The following FSIP2 variants were observed in gnomAD, a reference collection of about 807,000 sequenced individuals.
The protein encoded by FSIP2 is fibrous sheath-interacting protein 2.
Under a neutral mutation model 510.5 loss-of-function variants are expected in FSIP2, and 367 were observed. That is an observed-to-expected ratio of 0.72 (90% confidence interval 0.66 to 0.78). The LOEUF is 0.78. Ranked by LOEUF, FSIP2 falls within the 30% of genes least tolerant of loss-of-function variation. The pLI is 0.00. For synonymous variants in FSIP2, 2,601 were observed against 2,732.2 expected, an observed-to-expected ratio of 0.95 and a Z score of 1.50; for missense variants, 7,594 against 7,901.7, an observed-to-expected ratio of 0.96 and a Z score of 1.48.
chr2:185,813,757 C>A lies in FSIP2; in HGVS notation c.20040C>A (p.Ile6680=), dbSNP rs925867746. The change falls in exon 18 of 23, where the codon ATC becomes ATA. Residue 6680 remains isoleucine (I), a synonymous_variant. Transcript: ENST00000424728. ...AGACTTTTGCAAAAGAAGAAGGCAT[C>A]AAAGTATTTGAAGATCAAGTGAAAG... ...LTQTFAKEEG[I]KVFEDQVKEV... 6.2e-7 allele frequency: 1 copy of A among 1,612,794 alleles called. No individual in the cohort carries two copies. The highest frequency in any genetic ancestry group is 8.5e-7 in the Non-Finnish European group (1 of 1,179,452).
In FSIP2 at chr2:185,802,648, A is replaced by G. The variant is rs1420544357; in HGVS notation, c.13342A>G (p.Ser4448Gly). The G allele has an allele frequency of 3.9e-6, 6 of 1,533,636 alleles. No individual in the cohort carries two copies. The highest frequency in any genetic ancestry group is 4.9e-5 in the East Asian group (2 of 40,840). The change falls in exon 17 of 23, where the codon AGT (serine) becomes GGT (glycine). Residue 4448 changes from serine to glycine, a missense_variant. Transcript: ENST00000424728. ...TGTTCAGGACATCCTTAGTAACATC[A>G]GTAAATCTACTGAGCCAAGCCAGAG... is the stretch of plus-strand genomic sequence containing the variant. ...NIVQDILSNI[S>G]KSTEPSQSVP... is the part of the protein sequence containing the mutation.
intron 7 of FSIP2, among the ~76,000 whole-genome samples, chr2:185,749,291 C>T (rs573220915): frequency 2.6e-5 from 4 of 151,972 alleles, no homozygotes; most frequent in Admixed American, 6.6e-5. Flanking sequence ...CCACATATGT[C>T]GCTCCATTTA....
rs1218141446 is a variant in FSIP2, at chr2:185,831,818, C to G, written c.20523C>G (p.Ile6841Met). Reference sequence around the variant, plus strand: ...ATTTCAATTTACCTTGGCAGTTTATCACCATCTTTGAAAGATCCAAGGATG... The same window carrying G: ...ATTTCAATTTACCTTGGCAGTTTATGACCATCTTTGAAAGATCCAAGGATG... ...KPEHGNSVKF[I>M]TIFERSKDVL... The change falls in exon 22 of 23, where the codon ATC becomes ATG. Residue 6841 changes from isoleucine (I) to methionine (M), a missense_variant. Transcript: ENST00000424728. The G allele has an allele frequency of 6.2e-7, 1 of 1,606,162 alleles. No individual in the cohort carries two copies. Among genetic ancestry groups the G allele is most frequent in the South Asian group, 1.1e-5 (1 of 90,902 alleles).
chr2:185,743,424 G>A, intron 3 of FSIP2, 130 bp downstream of exon 3: 1 of 433,706 alleles, frequency 2.3e-6, no homozygotes, highest in Non-Finnish European at 3.9e-6. Flanking sequence ...TTAATAGGCA[G>A]TTCTATAAAT....
rs375557130 is a variant in FSIP2, at chr2:185,748,645, A to T, written c.870+1222A>T. Among the ~76,000 whole-genome samples the T allele has an allele frequency of 5.3e-5, 8 of 152,176 alleles. No individual in the cohort carries two copies. The South Asian group carries it at 8.3e-4, about 16-fold the overall frequency. On this transcript the variant is annotated intron_variant, in intron 7 of 22. Transcript: ENST00000424728. ...GATTCTTCTCCTTTTGCCTAATGTC[A>T]ATTACTACCCAAAGAATGTTGGTCA...
At chr2:185,831,573 C>G (rs1395857659) in intron 21 of FSIP2, among the ~76,000 whole-genome samples, 1 of 151,912 alleles carries the variant, frequency 6.6e-6, no homozygotes, top group Admixed American at 6.6e-5. Context: ...TTGACCCTCA[C>G]TTAGTGCTAG....
chr2:185,753,363 T>G (rs909078263), intron 7 of FSIP2, among the ~76,000 whole-genome samples: 9 of 151,414 alleles, frequency 5.9e-5, no homozygotes. Context: ...ATATTATGTT[T>G]ACCTCTGGTA....
At chr2:185,780,228 CA>C (rs1236632939) in intron 13 of FSIP2, among the ~76,000 whole-genome samples, 1 of 151,900 alleles carries the variant, frequency 6.6e-6, no homozygotes, top group Non-Finnish European at 1.5e-5. Flanking sequence ...CAGTTCTGTA[CA>C]AGCTTCAGCC....
chr2:185,806,761 CA>C lies in FSIP2; in HGVS notation c.17459del (p.Asn5820IlefsTer10). On this transcript the variant is annotated frameshift_variant, in exon 17 of 23. Transcript: ENST00000424728. LOFTEE classifies it high-confidence loss of function. Reference protein sequence around the residue: ...QDRCQNVSDKQNQAKLYDTAM... With the variant: ...QDRCQNVSDKXNQAKLYDTAM... ...TAGATGTCAAAATGTTAGTGATAAG[CA>C]AAATCAAGCCAAACTCTATGACACT... 6.2e-7 allele frequency: 1 copy of C among 1,611,606 alleles called. No homozygotes were observed. Among genetic ancestry groups the C allele is most frequent in the Non-Finnish European group, 8.5e-7 (1 of 1,178,528 alleles).
intron 10 of FSIP2, 38 bp from the exon 11 acceptor site, chr2:185,761,934 C>T (rs1434528744): frequency 8.8e-7 from 1 of 1,136,568 alleles, no homozygotes; most frequent in East Asian, 2.6e-5. Flanking sequence ...AGTACAGTTA[C>T]TAATGTAATT....
Position 185,811,175 on chromosome 2 carries a change from T to C in FSIP2, c.19827+2042T>C, listed in dbSNP as rs73045088. Among the ~76,000 whole-genome samples the C allele has an allele frequency of 3.7e-3, 562 of 151,986 alleles. 4 individuals carry two copies. Among genetic ancestry groups the C allele is most frequent in the African/African-American group, 0.013 (547 of 41,498 alleles). ...TCAAAGAGAAGCAGAGCATAAAAGT[T>C]TGGAAAATTAGCTGAGCATGGTGGC... On this transcript the variant is annotated intron_variant, in intron 17 of 22. Transcript: ENST00000424728.
At chr2:185,741,057 A>G (rs1691913242) in intron 2 of FSIP2, among the ~76,000 whole-genome samples, 1 of 152,164 alleles carries the variant, frequency 6.6e-6, no homozygotes. Context: ...TCACATCCAC[A>G]CAAACTAACT....
At position 185,807,493 on chromosome 2, in the gene FSIP2, A is replaced by G. The variant is rs758047524; in HGVS notation, c.18187A>G (p.Lys6063Glu). Residue 6063 changes from lysine (K) to glutamate (E), a missense_variant, in exon 17 of 23, where the codon AAA becomes GAA. Lys to Glu is a moderately conservative substitution (Grantham distance 56). Transcript: ENST00000424728. ...AGTTGCAACAGAGATCTCCCAAGAT[A>G]AATATATGACTATACAGTATGTAGA... Reference protein sequence around the residue: ...SAVATEISQDKYMTIQYVETL... With the variant: ...SAVATEISQDEYMTIQYVETL... The G allele has an allele frequency of 6.2e-7, 1 of 1,612,324 alleles. No individual in the cohort carries two copies. The highest frequency in any genetic ancestry group is 8.5e-7 in the Non-Finnish European group (1 of 1,178,914).
Position 185,780,253 on chromosome 2 carries a change from A to T in FSIP2, c.1412-2452A>T, listed in dbSNP as rs185519265. 5.3e-3 allele frequency among the ~76,000 whole-genome samples: 801 copies of T among 151,850 alleles called. 2 individuals are homozygous for T. The highest frequency in any genetic ancestry group is 0.023 in the South Asian group (110 of 4,816). On this transcript the variant is annotated intron_variant, in intron 13 of 22. Transcript: ENST00000424728. The stretch of plus-strand genomic sequence containing the variant: ...CAAGCTTCAGCCATTTCCTCTTTCT[A>T]TATTGCCTCTCTTCATTTTCGTTAT...
intron 13 of FSIP2, among the ~76,000 whole-genome samples, chr2:185,771,018 C>A (rs1692596492): frequency 6.6e-6 from 1 of 152,158 alleles, no homozygotes; most frequent in Admixed American, 6.5e-5. Context: ...AATAATCTCC[C>A]TTGATTCCAT....
intron 8 of FSIP2, 83 bp downstream of exon 8, chr2:185,753,925 A>ATTTACACTTGTT: frequency 1.1e-6 from 1 of 916,186 alleles, no homozygotes; most frequent in Non-Finnish European, 1.5e-6. Flanking sequence ...TACTCTGTGT[A>ATTTACACTTGTT]TTTACACTTG....
chr2:185,799,334 TG>T (rs1281849982), intron 16 of FSIP2, among the ~76,000 whole-genome samples: 1 of 151,778 alleles, frequency 6.6e-6, no homozygotes, highest in Non-Finnish European at 1.5e-5. Flanking sequence ...AATAATTATA[TG>T]GCACCTCTAG....
In FSIP2 at chr2:185,805,171, T is replaced by C; in HGVS notation, c.15865T>C (p.Cys5289Arg). The C allele has an allele frequency of 6.2e-7, 1 of 1,610,334 alleles. No individual in the cohort carries two copies. Among genetic ancestry groups the C allele is most frequent in the Non-Finnish European group, 8.5e-7 (1 of 1,177,812 alleles). ...DIIIDLVHKF[C>R]SLLIITEDSK... is the part of the protein sequence containing the mutation. ...AATCATTGACCTTGTTCACAAATTTTGTTCTCTCCTCATTATTACTGAAGA... is the reference window on the plus strand; with the variant it reads ...AATCATTGACCTTGTTCACAAATTTCGTTCTCTCCTCATTATTACTGAAGA... The change falls in exon 17 of 23, where the codon TGT (cysteine) becomes CGT (arginine). Residue 5289 changes from cysteine to arginine, a missense_variant. Physicochemically the swap from Cys to Arg is radical, Grantham distance 180. Coordinates refer to ENST00000424728, the MANE Select transcript of FSIP2 (RefSeq NM_173651.4).
At chr2:185,821,991 A>G (rs1693929855) in intron 19 of FSIP2, among the ~76,000 whole-genome samples, 1 of 151,898 alleles carries the variant, frequency 6.6e-6, no homozygotes, top group Non-Finnish European at 1.5e-5. Context: ...CAAATGATGC[A>G]GGAAAACCAT....
Sources: allele counts gnomAD v4.1 joint callset (sites outside exome capture counted in the v4.1 genomes callset), GRCh38; gene constraint gnomAD v4.1.1; transcripts MANE v1.5; gene names NCBI Gene and HGNC (gene_info 2026-07-23, HGNC 2026-07-21).